The following NRXN1 variants were observed in gnomAD, a reference collection of about 807,000 sequenced individuals.
NRXN1 encodes the protein neurexin-1.
A neutral mutation model predicts 150.9 loss-of-function variants in NRXN1; 39 were observed. The observed-to-expected ratio is 0.26, with a 90% CI of 0.20 to 0.34. NRXN1 has a LOEUF of 0.34. NRXN1 is among the 10% of genes least tolerant of loss of function. The pLI is 1.00. For missense variants in NRXN1, 1,815 were observed against 1,949.9 expected, an observed-to-expected ratio of 0.93 and a Z score of 1.30; for synonymous variants, 924 against 757.0, an observed-to-expected ratio of 1.22 and a Z score of -3.62.
rs1030982215 is a variant in NRXN1 at position 50,420,656 on chromosome 2, G to T, written c.3364+44786C>A. Among the ~76,000 whole-genome samples, 5 of 151,910 alleles carry T rather than the reference G, an allele frequency of 3.3e-5. No individual in the cohort carries two copies. The South Asian group carries it at 1.0e-3, about 32-fold the overall frequency. The stretch of plus-strand genomic sequence containing the variant: ...CACTTAAAAGTACCTTAAGGATGAG[G>T]TTCTAGCATTGTGTGATAAAGTACA... On this transcript the variant is annotated intron_variant, in intron 17 of 22. Transcript: ENST00000401669.
chr2:50,386,531 A>G (rs960105409), intron 17 of NRXN1, among the ~76,000 whole-genome samples: 4 of 152,134 alleles, frequency 2.6e-5, no homozygotes, highest in African/African-American at 9.7e-5. Flanking sequence ...AAGATTATAG[A>G]CTAATAAGAT....
chr2:50,883,966 C>T (rs544504751), intron 5 of NRXN1, among the ~76,000 whole-genome samples: 1 of 151,800 alleles, frequency 6.6e-6, no homozygotes, highest in East Asian at 2.0e-4. Context: ...CTTCTGGGAG[C>T]TAGAAATATT....
intron 19 of NRXN1, among the ~76,000 whole-genome samples, chr2:50,074,852 T>C (rs146606029): frequency 6.6e-6 from 1 of 152,316 alleles, no homozygotes; most frequent in Non-Finnish European, 1.5e-5. Context: ...GAGCTTCTCA[T>C]TTTGGTTTGT....
intron 17 of NRXN1, among the ~76,000 whole-genome samples, chr2:50,245,760 A>T (rs1164394539): frequency 4.0e-5 from 6 of 151,860 alleles, no homozygotes; most frequent in Non-Finnish European, 5.9e-5. Flanking sequence ...TTTAAAAAAA[A>T]AAATGACATA....
chr2:50,705,602 T>C (rs1035797034), intron 5 of NRXN1, among the ~76,000 whole-genome samples: 1 of 152,222 alleles, frequency 6.6e-6, no homozygotes, highest in Non-Finnish European at 1.5e-5. Flanking sequence ...GCAGTTGGAT[T>C]ATTTCCAACC....
At chr2:50,007,219 GC>G (rs2152540677) in intron 21 of NRXN1, among the ~76,000 whole-genome samples, 1 of 152,156 alleles carries the variant, frequency 6.6e-6, no homozygotes, top group Admixed American at 6.5e-5. Flanking sequence ...AGTAGTGCAT[GC>G]CTGTAGTACC....
intron 2 of NRXN1, among the ~76,000 whole-genome samples, chr2:50,971,314 G>GT (rs1451680715): frequency 6.6e-6 from 1 of 152,114 alleles, no homozygotes; most frequent in Non-Finnish European, 1.5e-5. Context: ...GCCGGGCGTG[G>GT]TGGCTCACAC....
Position 50,506,591 on chromosome 2 carries a change from C to A in NRXN1, c.2401G>T (p.Gly801Cys), listed in dbSNP as rs1398153462. Residue 801 changes from glycine (G) to cysteine (C), a missense_variant, in exon 13 of 23, where the codon GGC becomes TGC. Physicochemically the swap from Gly to Cys is radical, Grantham distance 159 (BLOSUM62 -3). This residue lies in a region of NRXN1 where 638 missense variants were observed against 652.6 expected (regional missense o/e 0.98). Coordinates refer to ENST00000401669, the MANE Select transcript of NRXN1 (RefSeq NM_001330078.2). ...SSKGPETLFA[G>C]YNLNDNEWHT... The stretch of plus-strand genomic sequence containing the variant: ...CACTCGTTATCATTGAGGTTATAGC[C>A]AGCAAAAAGAGTCTCGGGACCTTTG... The A allele has an allele frequency of 6.2e-7, 1 of 1,613,296 alleles. No individual in the cohort carries two copies. The highest frequency in any genetic ancestry group is 2.2e-5 in the East Asian group (1 of 44,838).
intron 18 of NRXN1, among the ~76,000 whole-genome samples, chr2:50,232,450 G>C (rs1006533087): frequency 1.5e-5 from 2 of 136,922 alleles, no homozygotes; most frequent in Admixed American, 8.2e-5. Flanking sequence ...ACAGTGGCAC[G>C]ATCTCGGCTC....
At chr2:50,252,886 C>G (rs1315067482) in intron 17 of NRXN1, among the ~76,000 whole-genome samples, 1 of 152,124 alleles carries the variant, frequency 6.6e-6, no homozygotes, top group Non-Finnish European at 1.5e-5. Context: ...ATTGTCTTAG[C>G]TATACAGATT....
At chr2:50,822,038 C>T (rs1275953896) in intron 5 of NRXN1, among the ~76,000 whole-genome samples, 4 of 152,080 alleles carry the variant, frequency 2.6e-5, no homozygotes, top group Non-Finnish European at 5.9e-5. Context: ...CTTTGAATCA[C>T]GTTTGAGTAA....
At chr2:50,970,727 G>A (rs1004359235) in intron 2 of NRXN1, among the ~76,000 whole-genome samples, 2 of 151,786 alleles carry the variant, frequency 1.3e-5, no homozygotes, top group Admixed American at 6.6e-5. Context: ...ACAGAGGGTC[G>A]TTATGTTTAA....
chr2:51,002,401 A>G (rs1410415543), intron 2 of NRXN1, among the ~76,000 whole-genome samples: 2 of 152,022 alleles, frequency 1.3e-5, no homozygotes, highest in African/African-American at 4.8e-5. Flanking sequence ...CGTAGAAAAC[A>G]GAATCTTATT....
intron 5 of NRXN1, among the ~76,000 whole-genome samples, chr2:50,879,836 G>C (rs139663807): frequency 2.0e-5 from 3 of 151,886 alleles, no homozygotes; most frequent in Non-Finnish European, 4.4e-5. Context: ...TGTTATGGTC[G>C]TAATGCTACA....
intron 22 of NRXN1, among the ~76,000 whole-genome samples, chr2:49,928,611 T>A (rs1243589546): frequency 6.6e-6 from 1 of 152,120 alleles, no homozygotes; most frequent in African/African-American, 2.4e-5. Context: ...GCACACTTTT[T>A]TCCCCCATTT....
intron 3 of NRXN1, 116 bp from the exon 4 acceptor site, chr2:50,922,803 G>A: frequency 2.0e-6 from 2 of 1,016,984 alleles, no homozygotes; most frequent in Non-Finnish European, 3.0e-6. Flanking sequence ...AGACATGTCT[G>A]TATCACAGAG....
At chr2:50,567,015 C>T (rs778314244) in intron 8 of NRXN1, among the ~76,000 whole-genome samples, 4 of 152,088 alleles carry the variant, frequency 2.6e-5, no homozygotes, top group Non-Finnish European at 4.4e-5. Flanking sequence ...TAATAATAAT[C>T]CCCCTTAGGT....
intron 5 of NRXN1, among the ~76,000 whole-genome samples, chr2:50,686,739 C>A (rs540966543): frequency 6.6e-6 from 1 of 152,106 alleles, no homozygotes; most frequent in Non-Finnish European, 1.5e-5. Flanking sequence ...TTAAAGGTAA[C>A]GGGTAGAGAC....
At chr2:50,828,717 C>T (rs1214991482) in intron 5 of NRXN1, among the ~76,000 whole-genome samples, 2 of 151,264 alleles carry the variant, frequency 1.3e-5, no homozygotes, top group Admixed American at 1.3e-4. Flanking sequence ...GGATGGCGGC[C>T]GGGCAGAGAC....
Sources: gnomAD v4.1 joint callset for allele counts (sites outside exome capture counted in the v4.1 genomes callset) on GRCh38, gnomAD v4.1.1 for gene constraint, gnomAD v4.1.1 regional missense constraint, MANE v1.5 for transcripts, NCBI Gene and HGNC (gene_info 2026-07-23, HGNC 2026-07-21) for gene names.